Variants in GRID2 observed in about 807,000 individuals in gnomAD.
GRID2 encodes glutamate ionotropic receptor delta type subunit 2, also known as glutamate receptor ionotropic, delta-2.
A neutral mutation model predicts 114.8 loss-of-function variants in GRID2; 33 were observed. The observed-to-expected ratio is 0.29, with a 90% CI of 0.22 to 0.38. The LOEUF is 0.38. GRID2 is among the 10% of genes least tolerant of loss of function. GRID2 has a pLI of 1.00. For synonymous variants in GRID2, 505 were observed against 449.9 expected (o/e 1.12, Z -1.55); for missense variants, 1,184 against 1,257.7 (o/e 0.94, Z 0.89).
intron 11 of GRID2, among the ~76,000 whole-genome samples, chr4:93,460,487 C>T (rs953516957): frequency 2.0e-5 from 3 of 152,142 alleles, no homozygotes; most frequent in Non-Finnish European, 4.4e-5. Context: ...TTTTATTTCT[C>T]TACTTTCAAG....
intron 8 of GRID2, among the ~76,000 whole-genome samples, chr4:93,322,382 T>G (rs577929201): frequency 2.6e-5 from 4 of 152,274 alleles, no homozygotes; most frequent in Middle Eastern, 3.4e-3. Flanking sequence ...GAACTCATCA[T>G]TTTTTATGGC....
chr4:93,786,434 G>A (rs1477256804), intron 1 of GRID2, among the ~76,000 whole-genome samples: 1 of 152,200 alleles, frequency 6.6e-6, no homozygotes, highest in Admixed American at 6.5e-5. Context: ...AGCCAGTAGA[G>A]GGCAAAGCTT....
At chr4:93,623,820 A>G (rs192560945) in intron 13 of GRID2, among the ~76,000 whole-genome samples, 9 of 152,248 alleles carry the variant, frequency 5.9e-5, no homozygotes, top group Admixed American at 1.3e-4. Flanking sequence ...TTAATTTTTT[A>G]ATTTTCAAAA....
intron 3 of GRID2, among the ~76,000 whole-genome samples, chr4:93,108,327 C>A (rs1732441971): frequency 1.3e-5 from 2 of 152,098 alleles, no homozygotes; most frequent in Non-Finnish European, 2.9e-5. Flanking sequence ...TGATGTGCTC[C>A]TAGCTCCTAG....
intron 2 of GRID2, among the ~76,000 whole-genome samples, chr4:92,843,076 AAAAAAT>A (rs954671951): frequency 1.1e-3 from 162 of 152,082 alleles, no homozygotes; most frequent in Admixed American, 3.0e-3. Flanking sequence ...CCATATATAC[AAAAAAT>A]AAAAATAAAA....
chr4:93,648,399 G>A (rs1722301380), intron 14 of GRID2, among the ~76,000 whole-genome samples: 1 of 152,172 alleles, frequency 6.6e-6, no homozygotes, highest in Non-Finnish European at 1.5e-5. Flanking sequence ...GGAAAAAGAG[G>A]AAGAGGCTTT....
chr4:92,586,874 A>G (rs1560474250), intron 1 of GRID2, among the ~76,000 whole-genome samples: 1 of 152,026 alleles, frequency 6.6e-6, no homozygotes, highest in Non-Finnish European at 1.5e-5. Context: ...ATTTAAAAAT[A>G]TATATTTTGG....
At chr4:93,081,028 C>G (rs1436966954) in intron 2 of GRID2, among the ~76,000 whole-genome samples, 12 of 152,096 alleles carry the variant, frequency 7.9e-5, no homozygotes, top group Admixed American at 2.0e-4. Context: ...CCCCCATGAC[C>G]CAAACACATC....
chr4:92,955,928 C>A (rs888739841), intron 2 of GRID2, among the ~76,000 whole-genome samples: 1 of 152,126 alleles, frequency 6.6e-6, no homozygotes, highest in Non-Finnish European at 1.5e-5. Context: ...ACCGTGTTAG[C>A]CAGGATGTTC....
chr4:93,076,857 A>T (rs1378940926), intron 2 of GRID2, among the ~76,000 whole-genome samples: 2 of 151,894 alleles, frequency 1.3e-5, no homozygotes, highest in Non-Finnish European at 2.9e-5. Flanking sequence ...ACCTCAAGTG[A>T]TCCACCTGCT....
chr4:93,514,060 C>T (rs1040893756), intron 12 of GRID2, among the ~76,000 whole-genome samples: 1 of 152,122 alleles, frequency 6.6e-6, no homozygotes, highest in Non-Finnish European at 1.5e-5. Context: ...AGCATCTGCT[C>T]CCATTCCCAA....
chr4:93,731,397 T>A (rs1483599603), intron 14 of GRID2, among the ~76,000 whole-genome samples: 1 of 152,146 alleles, frequency 6.6e-6, no homozygotes, highest in Non-Finnish European at 1.5e-5. Context: ...CGGACAGGAA[T>A]CATCCACTAG....
chr4:93,797,480 A>G (rs939168929), intron 1 of GRID2, among the ~76,000 whole-genome samples: 6 of 152,312 alleles, frequency 3.9e-5, no homozygotes, highest in African/African-American at 7.2e-5. Context: ...CCTTGGAAAG[A>G]TACAGAGGAA....
chr4:92,434,538 T>G (rs1732637551), intron 1 of GRID2, among the ~76,000 whole-genome samples: 1 of 152,080 alleles, frequency 6.6e-6, no homozygotes. Context: ...TGTCATATAT[T>G]TAGGTCAAAA....
chr4:92,732,604 A>G (rs1267587610), intron 2 of GRID2, among the ~76,000 whole-genome samples: 1 of 152,006 alleles, frequency 6.6e-6, no homozygotes, highest in Non-Finnish European at 1.5e-5. Flanking sequence ...TATTCCAGCC[A>G]TTATTACAGA....
At chr4:93,699,412 T>C (rs1248181576) in intron 14 of GRID2, among the ~76,000 whole-genome samples, 2 of 152,118 alleles carry the variant, frequency 1.3e-5, no homozygotes, top group African/African-American at 4.8e-5. Context: ...GAGGACGTAT[T>C]AAGACACTGA....
chr4:93,425,295 A>G (rs1220520456), intron 10 of GRID2, among the ~76,000 whole-genome samples: 1 of 152,176 alleles, frequency 6.6e-6, no homozygotes, highest in Non-Finnish European at 1.5e-5. Context: ...GCTTCAGTGG[A>G]TAGTTAAATC....
chr4:93,746,910 T>C (rs1236674977), intron 14 of GRID2, among the ~76,000 whole-genome samples: 1 of 152,130 alleles, frequency 6.6e-6, no homozygotes, highest in Non-Finnish European at 1.5e-5. Flanking sequence ...TATAAGTGTT[T>C]TGGCAAATGT....
intron 2 of GRID2, among the ~76,000 whole-genome samples, chr4:93,030,398 T>G (rs2149256720): frequency 6.6e-6 from 1 of 151,798 alleles, no homozygotes. Context: ...TTTTTTTTTT[T>G]TTCTGAGATG....
Sources: gnomAD v4.1 joint callset for allele counts (sites outside exome capture counted in the v4.1 genomes callset) on GRCh38, gnomAD v4.1.1 for gene constraint, MANE v1.5 for transcripts, NCBI Gene and HGNC (gene_info 2026-07-23, HGNC 2026-07-21) for gene names.